The following KTN1 variants were observed in gnomAD, a reference collection of about 807,000 sequenced individuals.
The protein encoded by KTN1 is kinectin 1, also known as kinectin.
KTN1 carries 130 observed loss-of-function variants against 222.5 expected under a neutral mutation model. That is an observed-to-expected ratio of 0.58 (90% CI 0.51 to 0.68). The LOEUF is 0.68. KTN1 is among the 30% of genes least tolerant of loss of function. The probability of loss-of-function intolerance (pLI) is 0.00; values close to 1 mark genes in which losing one functional copy is unlikely to be tolerated. For missense variants in KTN1, 1,508 were observed against 1,500.4 expected (o/e 1.01, Z -0.08); for synonymous variants, 512 against 496.3 (o/e 1.03, Z -0.42).
At chr14:55,642,795 T>C (rs2141017699) in intron 18 of KTN1, among the ~76,000 whole-genome samples, 1 of 152,328 alleles carries the variant, frequency 6.6e-6, no homozygotes, top group East Asian at 1.9e-4. Flanking sequence ...AGTGCATTAT[T>C]ACATAGTCTT....
At chr14:55,624,409 G>C (rs1011907076) in intron 5 of KTN1, among the ~76,000 whole-genome samples, 4 of 152,312 alleles carry the variant, frequency 2.6e-5, no homozygotes, top group Non-Finnish European at 4.4e-5. Flanking sequence ...TTTCTTTCTT[G>C]AGTAACTGGA....
intron 1 of KTN1, among the ~76,000 whole-genome samples, chr14:55,597,783 G>T (rs894322621): frequency 2.0e-5 from 3 of 152,148 alleles, no homozygotes; most frequent in African/African-American, 7.2e-5. Context: ...GAGCCCGGGA[G>T]GGGGAGGATG....
chr14:55,639,866 T>C (rs1339719928), intron 13 of KTN1, 47 bp from the exon 14 acceptor site: 1 of 1,191,304 alleles, frequency 8.4e-7, no homozygotes, highest in African/African-American at 1.5e-5. Flanking sequence ...TTTTGATTTG[T>C]GACTTCTGAA....
Position 55,650,185 on chromosome 14 carries a change from C to T in KTN1, c.2406-143C>T. The stretch of plus-strand genomic sequence containing the variant: ...AGGAGGAGCTTTATGTTCACCCTGG[C>T]CATTCTACAAAGACATGTTGCTATT... On this transcript the variant is annotated intron_variant, in intron 22 of 43. Transcript: ENST00000395314. 5 of 656,668 alleles carry T rather than the reference C, an allele frequency of 7.6e-6. No homozygotes were observed. The South Asian group carries it at 1.0e-4, about 14-fold the overall frequency. 40.7% of individuals were successfully genotyped at this position (656,668 alleles called of 1,614,324 possible).
chr14:55,638,385 CAAAT>C (rs1378154161), intron 12 of KTN1, among the ~76,000 whole-genome samples: 1 of 151,766 alleles, frequency 6.6e-6, no homozygotes, highest in Non-Finnish European at 1.5e-5. Context: ...TAAAGAAAAT[CAAAT>C]AAAAACAAGT....
Position 55,675,721 on chromosome 14 carries a change from C to G in KTN1, c.3772-114C>G, listed in dbSNP as rs2045834753. ...CATCTGGTGCAGCATATTGGCTAAT[C>G]CACTGTACATAATAACTGTTAGCAG... is the stretch of plus-strand genomic sequence containing the variant. On this transcript the variant is annotated intron_variant, in intron 40 of 43. Transcript: ENST00000395314. The G allele has an allele frequency of 1.1e-5, 7 of 653,806 alleles. No homozygotes were observed. The South Asian group carries it at 1.2e-4, about 11-fold the overall frequency. 40.5% of individuals were successfully genotyped at this position (653,806 alleles called of 1,614,324 possible). A position where few individuals can be genotyped will look rare whatever the true frequency, so the allele number is the denominator to read the frequency against.
At chr14:55,616,757 G>C (rs2038457458) in intron 3 of KTN1, 103 bp downstream of exon 3, 3 of 906,802 alleles carry the variant, frequency 3.3e-6, no homozygotes, top group Non-Finnish European at 5.0e-6. Context: ...AGTTTAATGT[G>C]TGCTAATGAC....
At chr14:55,637,401 A>G (rs1408887059) in intron 11 of KTN1, 37 bp downstream of exon 11, 7 of 1,398,784 alleles carry the variant, frequency 5.0e-6, no homozygotes, top group Non-Finnish European at 6.8e-6. Flanking sequence ...AAAAAAATAC[A>G]GGTGGTCACT....
intron 1 of KTN1, among the ~76,000 whole-genome samples, chr14:55,609,297 A>G (rs948990050): frequency 3.3e-5 from 5 of 152,112 alleles, no homozygotes; most frequent in Non-Finnish European, 7.4e-5. Context: ...GATGGCTTCC[A>G]CCTTCATCCA....
intron 40 of KTN1, 168 bp from the exon 41 acceptor site, chr14:55,675,667 G>T: frequency 2.2e-6 from 1 of 459,532 alleles, no homozygotes. Flanking sequence ...CTTTACAGAT[G>T]GGAACCTCTA....
At chr14:55,605,825 G>A (rs1161710574) in intron 1 of KTN1, among the ~76,000 whole-genome samples, 3 of 152,224 alleles carry the variant, frequency 2.0e-5, no homozygotes, top group Middle Eastern at 3.4e-3. Flanking sequence ...AGCAGGAGGA[G>A]TTCATTGTAT....
At chr14:55,607,278 G>A (rs1015485095) in intron 1 of KTN1, 1 of 152,112 alleles carries the variant, frequency 6.6e-6, no homozygotes, top group African/African-American at 2.4e-5. Flanking sequence ...ATTAGTATTT[G>A]TAATACGTAC....
At chr14:55,674,028 C>A (rs557253402) in intron 40 of KTN1, 2 of 151,786 alleles carry the variant, frequency 1.3e-5, no homozygotes, top group South Asian at 4.2e-4. Context: ...CCTTAATAAA[C>A]TCTCAGAAGA....
chr14:55,663,581 A>G lies in KTN1; in HGVS notation c.3091-374A>G, dbSNP rs74053655. 8.9e-4 allele frequency: 157 copies of G among 177,160 alleles called. 1 individual carries two copies. Among genetic ancestry groups the G allele is most frequent in the African/African-American group, 3.6e-3 (149 of 41,810 alleles). The allele number at this position is 177,160 out of a possible 1,614,324, so 11.0% of individuals were successfully genotyped here. On this transcript the variant is annotated intron_variant, in intron 32 of 43. Coordinates refer to ENST00000395314, the MANE Select transcript of KTN1 (RefSeq NM_001079521.2). Reference sequence around the variant, plus strand: ...TGGGCCTCGTTTAAACATCACATGAAAAGCTTTTTATAATACTTCTATATT... The same window carrying G: ...TGGGCCTCGTTTAAACATCACATGAGAAGCTTTTTATAATACTTCTATATT...
At chr14:55,586,720 A>G (rs973754247) in intron 1 of KTN1, among the ~76,000 whole-genome samples, 2 of 152,148 alleles carry the variant, frequency 1.3e-5, no homozygotes, top group Non-Finnish European at 2.9e-5. Context: ...TAATTCTTAA[A>G]ACTAGTGATT....
rs1371149411 is a variant in KTN1 at position 55,617,058 on chromosome 14, C to T, written c.661+404C>T. Among the ~76,000 whole-genome samples the T allele has an allele frequency of 2.0e-5, 3 of 152,232 alleles. No homozygotes were observed. The East Asian group carries it at 5.8e-4, about 29-fold the overall frequency. ...ATTTCCAATTAATTCCTAAACAGAA[C>T]TCACATGTGTATATGGCAAGCATCA... On this transcript the variant is annotated intron_variant, in intron 3 of 43. Transcript: ENST00000395314.
chr14:55,668,368 A>C (rs193189179), intron 34 of KTN1: 1 of 152,248 alleles, frequency 6.6e-6, no homozygotes, highest in East Asian at 1.9e-4. Flanking sequence ...CCTTTAAAAA[A>C]AAAACAAAAA....
intron 6 of KTN1, 120 bp downstream of exon 6, chr14:55,628,148 T>C: frequency 1.5e-6 from 1 of 647,214 alleles, no homozygotes. Flanking sequence ...AAAAGTAACT[T>C]TCCTTTAGAG....
In KTN1 at chr14:55,652,942, T is replaced by G; in HGVS notation, c.2694+2T>G. The G allele has an allele frequency of 6.2e-7, 1 of 1,606,376 alleles. No individual in the cohort carries two copies. The highest frequency in any genetic ancestry group is 8.5e-7 in the Non-Finnish European group (1 of 1,174,968). On this transcript the variant is annotated splice_donor_variant, in intron 26 of 43. Coordinates refer to ENST00000395314, the MANE Select transcript of KTN1 (RefSeq NM_001079521.2). LOFTEE classifies it high-confidence loss of function. ...GCCAATACAGGGAAGTGGTTACAGG[T>G]GAGAAATTAAAAACAATAAAAAATA...
Sources: allele counts gnomAD v4.1 joint callset (sites outside exome capture counted in the v4.1 genomes callset), GRCh38; gene constraint gnomAD v4.1.1; transcripts MANE v1.5; gene names NCBI Gene and HGNC (gene_info 2026-07-23, HGNC 2026-07-21).